OLA1: variants seen among roughly 807,000 people sequenced by gnomAD.
OLA1 encodes obg-like ATPase 1.
In OLA1, 14 loss-of-function variants were observed where a neutral mutation model predicts 48.4. The observed-to-expected ratio is 0.29, with a 90% CI of 0.19 to 0.45. OLA1 has a LOEUF of 0.45. OLA1 is among the 20% of genes least tolerant of loss of function. The pLI is 1.00. For synonymous variants in OLA1, 127 were observed against 150.4 expected, an observed-to-expected ratio of 0.84 and a Z score of 1.14; for missense variants, 325 against 467.1, an observed-to-expected ratio of 0.70 and a Z score of 2.80.
intron 3 of OLA1, among the ~76,000 whole-genome samples, chr2:174,226,660 C>T (rs1023831233): frequency 6.6e-6 from 1 of 152,044 alleles, no homozygotes; most frequent in African/African-American, 2.4e-5. Context: ...CCACCACGTC[C>T]GGCTACTTTT....
At position 174,123,147 on chromosome 2, in the gene OLA1, G is replaced by A. The variant is rs748133222; in HGVS notation, c.728+33C>T. 4.3e-6 allele frequency: 4 copies of A among 930,908 alleles called. No individual in the cohort carries two copies. In the Admixed American group the frequency reaches 5.4e-5, roughly 13 times the overall value. 57.7% of individuals were successfully genotyped at this position (930,908 alleles called of 1,614,324 possible). On this transcript the variant is annotated intron_variant, in intron 7 of 10. Coordinates refer to ENST00000284719, the MANE Select transcript of OLA1 (RefSeq NM_013341.5). ...GTGTTTGTGTGTGTACAGAGATGAT[G>A]CATCTGGGTATATCTGGTGAGGAAA...
intron 5 of OLA1, among the ~76,000 whole-genome samples, chr2:174,125,430 C>T (rs775330680): frequency 5.3e-5 from 8 of 151,900 alleles, no homozygotes; most frequent in Non-Finnish European, 8.8e-5. Flanking sequence ...TGTAGAGACA[C>T]GCAACAAGAT....
At position 174,089,189 on chromosome 2, in the gene OLA1, C is replaced by T. The variant is rs369182954; in HGVS notation, c.729-7125G>A. On this transcript the variant is annotated intron_variant, in intron 7 of 10. Transcript: ENST00000284719. ...CTGCCTGGCCAAATGAGTGAGACCT[C>T]ATCAAAAAGAAAAGAAAAAAGAATA... Among the ~76,000 whole-genome samples the T allele has an allele frequency of 5.9e-5, 9 of 152,090 alleles. No homozygotes were observed. In the East Asian group the frequency reaches 1.7e-3, roughly 29 times the overall value.
Position 174,198,250 on chromosome 2 carries a change from C to T in OLA1, c.373+24783G>A, listed in dbSNP as rs150178556. 9.3e-3 allele frequency among the ~76,000 whole-genome samples: 1,413 copies of T among 152,214 alleles called. 9 individuals carry two copies. The highest frequency in any genetic ancestry group is 0.015 in the Non-Finnish European group (1,005 of 68,018). On this transcript the variant is annotated intron_variant, in intron 4 of 10. Coordinates refer to ENST00000284719, the MANE Select transcript of OLA1 (RefSeq NM_013341.5). ...TGCTGGGATTACAGGCATGAGCCAC[C>T]GTGCCCAGCCTGCAATAAAATTTTA...
intron 5 of OLA1, among the ~76,000 whole-genome samples, chr2:174,129,240 C>T (rs1034884439): frequency 2.0e-5 from 3 of 151,994 alleles, no homozygotes; most frequent in Admixed American, 6.6e-5. Flanking sequence ...AGGCGGATCA[C>T]GAGGTCAGGA....
chr2:174,168,652 C>T (rs537144120), intron 4 of OLA1, among the ~76,000 whole-genome samples: 1 of 151,646 alleles, frequency 6.6e-6, no homozygotes, highest in East Asian at 1.9e-4. Flanking sequence ...ACAGGCACTC[C>T]CAGCAGAGAA....
chr2:174,245,234 T>C (rs1689100697), intron 2 of OLA1, among the ~76,000 whole-genome samples: 1 of 152,202 alleles, frequency 6.6e-6, no homozygotes. Flanking sequence ...TTGCTTACAT[T>C]TCAACTCTCT....
intron 1 of OLA1, 81 bp downstream of exon 1, chr2:174,248,371 C>T (rs1460768932): frequency 6.4e-6 from 1 of 155,406 alleles, no homozygotes; most frequent in Non-Finnish European, 1.5e-5. Flanking sequence ...GGGCCCGGGC[C>T]CCGCGCCAGC....
intron 5 of OLA1, among the ~76,000 whole-genome samples, chr2:174,135,138 C>A (rs527946038): frequency 7.7e-6 from 1 of 130,678 alleles, no homozygotes; most frequent in East Asian, 2.3e-4. Flanking sequence ...CCAGCCTGGG[C>A]GACAGAGCAA....
At chr2:174,150,043 C>T (rs1157745600) in intron 4 of OLA1, among the ~76,000 whole-genome samples, 1 of 152,118 alleles carries the variant, frequency 6.6e-6, no homozygotes, top group Non-Finnish European at 1.5e-5. Flanking sequence ...TACTTATAAA[C>T]CATCTGTCAT....
chr2:174,196,714 T>A (rs1046565494), intron 4 of OLA1, among the ~76,000 whole-genome samples: 3 of 152,214 alleles, frequency 2.0e-5, no homozygotes, highest in Admixed American at 1.3e-4. Flanking sequence ...GTATATGCTA[T>A]GCACATAAGA....
intron 2 of OLA1, among the ~76,000 whole-genome samples, chr2:174,242,462 C>G (rs1689025370): frequency 6.6e-6 from 1 of 152,156 alleles, no homozygotes; most frequent in African/African-American, 2.4e-5. Context: ...TCACACGCCA[C>G]AGATCGGTAC....
Position 174,133,839 on chromosome 2 carries a change from G to A in OLA1, c.549+7986C>T, listed in dbSNP as rs182884726. ...ATAATCTAGTACTAAAGCATTTCAT[G>A]CACTCACAATGTTATACAAACCACC... On this transcript the variant is annotated intron_variant, in intron 5 of 10. Transcript: ENST00000284719. 4.1e-4 allele frequency among the ~76,000 whole-genome samples: 63 copies of A among 152,234 alleles called. 1 individual carries two copies. Among genetic ancestry groups the A allele is most frequent in the Admixed American group, 4.1e-3 (62 of 15,296 alleles).
chr2:174,229,633 C>T (rs971433062), intron 2 of OLA1, among the ~76,000 whole-genome samples, 182 bp from the exon 3 acceptor site: 2 of 152,172 alleles, frequency 1.3e-5, no homozygotes, highest in African/African-American at 4.8e-5. Flanking sequence ...AACAGTAAAG[C>T]GGCAGCTCAT....
intron 4 of OLA1, among the ~76,000 whole-genome samples, chr2:174,149,111 C>T (rs1686684486): frequency 6.6e-6 from 1 of 152,178 alleles, no homozygotes; most frequent in African/African-American, 2.4e-5. Flanking sequence ...CGCCTATTTA[C>T]AACTCAACCC....
intron 2 of OLA1, among the ~76,000 whole-genome samples, chr2:174,243,255 T>C (rs1454984708): frequency 6.6e-6 from 1 of 152,130 alleles, no homozygotes; most frequent in African/African-American, 2.4e-5. Context: ...ATGGTGAAAC[T>C]CCATCTACAA....
rs575026912 is a variant in OLA1, at chr2:174,110,302, ATTT to A, written c.728+12875_728+12877del. Among the ~76,000 whole-genome samples, 52 of 113,860 alleles carry A rather than the reference ATTT, an allele frequency of 4.6e-4. No individual in the cohort carries two copies. In the South Asian group the frequency reaches 4.8e-3, roughly 11 times the overall value. The allele number at this position is 113,860 out of a possible 152,430, so 74.7% of individuals were successfully genotyped here. ...TACAGGCATGTGCCACCATGCTTGG[ATTT>A]TTTTTTTTTTTTTTTTTTGTATTTT... On this transcript the variant is annotated intron_variant, in intron 7 of 10. Coordinates refer to ENST00000284719, the MANE Select transcript of OLA1 (RefSeq NM_013341.5).
chr2:174,154,710 C>T (rs1020566863), intron 4 of OLA1, among the ~76,000 whole-genome samples: 3 of 151,678 alleles, frequency 2.0e-5, no homozygotes, highest in African/African-American at 7.3e-5. Context: ...ATTTTTACAC[C>T]GAAAAAAATG....
At chr2:174,104,906 TAGAA>T (rs756644875) in intron 7 of OLA1, among the ~76,000 whole-genome samples, 2 of 152,110 alleles carry the variant, frequency 1.3e-5, no homozygotes, top group Admixed American at 6.5e-5. Flanking sequence ...GTGTCTCTAA[TAGAA>T]AGATTCAGCA....
Sources: allele counts gnomAD v4.1 joint callset (sites outside exome capture counted in the v4.1 genomes callset), GRCh38; gene constraint gnomAD v4.1.1; transcripts MANE v1.5; gene names NCBI Gene and HGNC (gene_info 2026-07-23, HGNC 2026-07-21).